SDK1: variants seen among roughly 807,000 people sequenced by gnomAD.
SDK1 encodes sidekick cell adhesion molecule 1.
Under a neutral mutation model 245.5 loss-of-function variants are expected in SDK1, and 157 were observed. That is an observed-to-expected ratio of 0.64 (90% CI 0.56 to 0.73). The LOEUF is 0.73. Ranked by LOEUF, SDK1 falls within the 30% of genes least tolerant of loss-of-function variation. The pLI is 0.00. For synonymous variants in SDK1, 1,647 were observed against 1,278.5 expected, an observed-to-expected ratio of 1.29 and a Z score of -6.15; for missense variants, 3,583 against 3,002.3, an observed-to-expected ratio of 1.19 and a Z score of -4.52.
At chr7:3,609,693 C>G (rs1237761956) in intron 1 of SDK1, among the ~76,000 whole-genome samples, 1 of 150,900 alleles carries the variant, frequency 6.6e-6, no homozygotes, top group Non-Finnish European at 1.5e-5. Context: ...AGCTACGGTG[C>G]CCAGCCTCCC....
At position 4,265,143 on chromosome 7, in the gene SDK1, A is replaced by C. The variant is rs1275701332; in HGVS notation, c.6401A>C (p.Glu2134Ala). The change falls in exon 45 of 45, where the codon GAG becomes GCG. Residue 2134 changes from glutamate to alanine, a missense_variant. Physicochemically the swap from Glu to Ala is moderately radical, Grantham distance 107 (BLOSUM62 -1). Transcript: ENST00000404826. ...CCGCAGGCCACGGACTCTGACTACG[A>C]GGACGCGCTGCCCAAGCACTCCTTC... The part of the protein sequence containing the change: ...SESEATDSDY[E>A]DALPKHSFVN... 6.2e-7 allele frequency: 1 copy of C among 1,612,212 alleles called. No homozygotes were observed. Among genetic ancestry groups the C allele is most frequent in the Admixed American group, 1.7e-5 (1 of 59,966 alleles).
intron 22 of SDK1, among the ~76,000 whole-genome samples, chr7:4,084,670 T>C (rs1440229638): frequency 7.6e-6 from 1 of 131,584 alleles, no homozygotes; most frequent in Non-Finnish European, 1.5e-5. Flanking sequence ...GTATATGTTA[T>C]GTTACGTTAT....
chr7:3,744,202 C>G (rs1364154014), intron 4 of SDK1, among the ~76,000 whole-genome samples: 1 of 152,062 alleles, frequency 6.6e-6, no homozygotes, highest in Non-Finnish European at 1.5e-5. Flanking sequence ...AATGCCATCT[C>G]CCAAGAAAGG....
At chr7:3,898,775 C>G (rs145493991) in intron 5 of SDK1, among the ~76,000 whole-genome samples, 1 of 152,150 alleles carries the variant, frequency 6.6e-6, no homozygotes, top group African/African-American at 2.4e-5. Context: ...GTAATTAGAG[C>G]TCGTTGGGAA....
intron 1 of SDK1, among the ~76,000 whole-genome samples, chr7:3,416,931 GGGAGGATGAGGTGGAT>G: frequency 6.6e-6 from 1 of 152,292 alleles, no homozygotes; most frequent in African/African-American, 2.4e-5. Context: ...CCAGCACTTT[GGGAGGATGAGGTGGAT>G]GGATCACCTG....
chr7:4,195,843 C>G (rs940336354), intron 35 of SDK1, among the ~76,000 whole-genome samples: 1 of 152,152 alleles, frequency 6.6e-6, no homozygotes, highest in Admixed American at 6.5e-5. Flanking sequence ...GCAGCAGCAG[C>G]CACGGTGGCA....
chr7:3,672,796 A>T (rs11977447), intron 4 of SDK1, among the ~76,000 whole-genome samples: 8,011 of 49,502 alleles, frequency 0.16, 812 homozygotes, highest in African/African-American at 0.3. Flanking sequence ...TATATATATA[A>T]AAAATACAGA....
rs574149809 is a variant in SDK1, at chr7:3,786,657, T to C, written c.714-34793T>C. 3.9e-5 allele frequency among the ~76,000 whole-genome samples: 6 copies of C among 152,354 alleles called. No homozygotes were observed. The East Asian group carries it at 1.2e-3, about 29-fold the overall frequency. On this transcript the variant is annotated intron_variant, in intron 4 of 44. Transcript: ENST00000404826. ...TACAGCCTATTTGCCTTAATACCGATGAATTTTTATACAGTGAGTACGTTC... is the reference window on the plus strand; with the variant it reads ...TACAGCCTATTTGCCTTAATACCGACGAATTTTTATACAGTGAGTACGTTC...
chr7:4,196,484 C>A (rs1358761888), intron 35 of SDK1, among the ~76,000 whole-genome samples: 5 of 152,182 alleles, frequency 3.3e-5, no homozygotes, highest in Non-Finnish European at 7.4e-5. Flanking sequence ...CTCTCCCGGG[C>A]CTTTGAACAC....
Position 3,641,912 on chromosome 7 carries a change from C to G in SDK1, c.566-46C>G, listed in dbSNP as rs770615648. 9 of 1,562,088 alleles carry G rather than the reference C, an allele frequency of 5.8e-6. 1 individual carries two copies. Among genetic ancestry groups the G allele is most frequent in the South Asian group, 3.5e-5 (3 of 85,812 alleles). On this transcript the variant is annotated intron_variant, in intron 3 of 44. Coordinates refer to ENST00000404826, the MANE Select transcript of SDK1 (RefSeq NM_152744.4). The stretch of plus-strand genomic sequence containing the variant: ...TTCCATCTGTGACCCCTTCCCTCCC[C>G]CAAAAATGTTTTCTAGAACTTGAAA...
At position 4,267,581 on chromosome 7, in the gene SDK1, C is replaced by T; in HGVS notation, c.*2197C>T. The T allele has an allele frequency of 1.0e-6, 1 of 985,446 alleles. No homozygotes were observed. 61.0% of individuals were successfully genotyped at this position (985,446 alleles called of 1,614,324 possible). A position where few individuals can be genotyped will look rare whatever the true frequency, so the allele number is the denominator to read the frequency against. ...GAGAAGCGATAAATGGAGACCATGG[C>T]CAGCGCTGCTTTCTGTGCACTCTGA... On this transcript the variant is annotated 3_prime_UTR_variant, in exon 45 of 45. Coordinates refer to ENST00000404826, the MANE Select transcript of SDK1 (RefSeq NM_152744.4).
chr7:3,337,962 T>A (rs959849483), intron 1 of SDK1: 1 of 152,666 alleles, frequency 6.6e-6, no homozygotes, highest in Non-Finnish European at 1.5e-5. Context: ...TGGGCAAATA[T>A]AGGGGCACAT....
chr7:4,006,841 A>G (rs1201963323), intron 14 of SDK1, among the ~76,000 whole-genome samples: 1 of 152,182 alleles, frequency 6.6e-6, no homozygotes, highest in East Asian at 1.9e-4. Context: ...GGGGTTCTGG[A>G]CTTTCAGGAG....
At chr7:3,831,824 A>G (rs932946176) in intron 5 of SDK1, among the ~76,000 whole-genome samples, 1 of 152,128 alleles carries the variant, frequency 6.6e-6, no homozygotes, top group Non-Finnish European at 1.5e-5. Flanking sequence ...AGGCAGGAGC[A>G]TTGCTCGAGC....
At chr7:3,545,531 C>G (rs961964873) in intron 1 of SDK1, among the ~76,000 whole-genome samples, 1 of 152,136 alleles carries the variant, frequency 6.6e-6, no homozygotes, top group Non-Finnish European at 1.5e-5. Flanking sequence ...TTTTCTTTTC[C>G]TACTGAAATG....
intron 4 of SDK1, among the ~76,000 whole-genome samples, chr7:3,701,786 A>G (rs980677830): frequency 5.3e-5 from 8 of 152,150 alleles, no homozygotes; most frequent in South Asian, 2.1e-4. Context: ...ACATGAATCA[A>G]TGGAACAGAA....
chr7:3,499,424 G>C (rs1782126299), intron 1 of SDK1, among the ~76,000 whole-genome samples: 1 of 152,096 alleles, frequency 6.6e-6, no homozygotes, highest in Non-Finnish European at 1.5e-5. Flanking sequence ...GTGTAGTATG[G>C]TGTAAAGAAT....
At chr7:3,791,567 C>G (rs1781090981) in intron 4 of SDK1, among the ~76,000 whole-genome samples, 1 of 152,128 alleles carries the variant, frequency 6.6e-6, no homozygotes, top group African/African-American at 2.4e-5. Flanking sequence ...TGGCCTTCAT[C>G]CCCTCAGTAC....
chr7:4,082,859 G>A (rs988659102), intron 22 of SDK1, among the ~76,000 whole-genome samples: 7 of 152,060 alleles, frequency 4.6e-5, no homozygotes, highest in Non-Finnish European at 8.8e-5. Context: ...GAGTTCAAGC[G>A]ATCTGTCAGC....
Sources: gnomAD v4.1 joint callset for allele counts (sites outside exome capture counted in the v4.1 genomes callset) on GRCh38, gnomAD v4.1.1 for gene constraint, MANE v1.5 for transcripts, NCBI Gene and HGNC (gene_info 2026-07-23, HGNC 2026-07-21) for gene names.